TSPAN5: variants seen among roughly 807,000 people sequenced by gnomAD.
TSPAN5 encodes the protein tetraspanin-5.
In TSPAN5, 10 loss-of-function variants were observed where a neutral mutation model predicts 37.1. The ratio of observed to expected loss-of-function variants is 0.27; its 90% CI spans 0.17 to 0.46. The LOEUF is 0.46. TSPAN5 is among the 20% of genes least tolerant of loss of function. The pLI is 1.00. For synonymous variants in TSPAN5, 110 were observed against 118.9 expected, an observed-to-expected ratio of 0.93 and a Z score of 0.48; for missense variants, 195 against 326.6, an observed-to-expected ratio of 0.60 and a Z score of 3.11.
rs529620526 is a variant in TSPAN5, at chr4:98,613,945, A to C, written c.81+44201T>G. The stretch of plus-strand genomic sequence containing the variant: ...CTAAGCACAACCAATTATCACTTCC[A>C]GCCTTTATCTAGCCGGCTAAATGGT... On this transcript the variant is annotated intron_variant, in intron 1 of 7. Coordinates refer to ENST00000305798, the MANE Select transcript of TSPAN5 (RefSeq NM_005723.4). Among the ~76,000 whole-genome samples the C allele has an allele frequency of 2.0e-5, 3 of 152,164 alleles. No individual in the cohort carries two copies. In the East Asian group the frequency reaches 5.8e-4, roughly 29 times the overall value.
At chr4:98,645,698 G>A (rs2110283796) in intron 1 of TSPAN5, among the ~76,000 whole-genome samples, 1 of 152,282 alleles carries the variant, frequency 6.6e-6, no homozygotes, top group South Asian at 2.1e-4. Flanking sequence ...GCTAGTGGAG[G>A]TCAGGAGGAC....
chr4:98,504,771 T>C (rs1324855314), intron 2 of TSPAN5, among the ~76,000 whole-genome samples: 1 of 152,210 alleles, frequency 6.6e-6, no homozygotes, highest in African/African-American at 2.4e-5. Context: ...AGATGAGATG[T>C]GTGTATTCCA....
At chr4:98,598,131 G>C (rs1755791418) in intron 1 of TSPAN5, among the ~76,000 whole-genome samples, 1 of 123,244 alleles carries the variant, frequency 8.1e-6, no homozygotes, top group East Asian at 2.2e-4. Flanking sequence ...GTGGGATATA[G>C]TCTCGTGGTG....
At chr4:98,579,633 G>T (rs185420641) in intron 1 of TSPAN5, among the ~76,000 whole-genome samples, 2 of 152,130 alleles carry the variant, frequency 1.3e-5, no homozygotes, top group African/African-American at 4.8e-5. Context: ...AGAAAATTGC[G>T]TTACAAGAAT....
At chr4:98,502,554 A>G (rs1753377687) in intron 2 of TSPAN5, among the ~76,000 whole-genome samples, 1 of 152,202 alleles carries the variant, frequency 6.6e-6, no homozygotes, top group Non-Finnish European at 1.5e-5. Context: ...GTTCCCAAGT[A>G]CCTGGATGAG....
chr4:98,574,228 A>G (rs1014907457), intron 1 of TSPAN5, among the ~76,000 whole-genome samples: 3 of 152,210 alleles, frequency 2.0e-5, no homozygotes, highest in African/African-American at 7.2e-5. Flanking sequence ...TGCGCACATC[A>G]TATTTCACCT....
intron 1 of TSPAN5, among the ~76,000 whole-genome samples, chr4:98,584,078 A>C (rs901296911): frequency 6.6e-6 from 1 of 152,068 alleles, no homozygotes; most frequent in African/African-American, 2.4e-5. Flanking sequence ...TTTGAGGAAA[A>C]TAAGAGGTGA....
intron 1 of TSPAN5, among the ~76,000 whole-genome samples, chr4:98,539,436 C>T (rs1458928956): frequency 6.6e-6 from 1 of 152,142 alleles, no homozygotes; most frequent in African/African-American, 2.4e-5. Flanking sequence ...CACTCTATTG[C>T]CCTTACTCCC....
At chr4:98,530,213 TGA>T (rs934774073) in intron 1 of TSPAN5, among the ~76,000 whole-genome samples, 2 of 152,096 alleles carry the variant, frequency 1.3e-5, no homozygotes, top group African/African-American at 4.8e-5. Context: ...CCAGAGCAAA[TGA>T]GAGACAGTGA....
intron 1 of TSPAN5, among the ~76,000 whole-genome samples, chr4:98,537,601 C>T (rs1754264832): frequency 6.6e-6 from 1 of 152,202 alleles, no homozygotes; most frequent in African/African-American, 2.4e-5. Flanking sequence ...GTGTAATGAG[C>T]TTAGGTAATT....
chr4:98,622,755 G>A (rs1012327540), intron 1 of TSPAN5, among the ~76,000 whole-genome samples: 1 of 152,162 alleles, frequency 6.6e-6, no homozygotes, highest in South Asian at 2.1e-4. Context: ...TTGAGACTCA[G>A]CAGGTCATGG....
intron 1 of TSPAN5, among the ~76,000 whole-genome samples, chr4:98,509,373 C>T (rs950621311): frequency 3.9e-5 from 6 of 152,148 alleles, no homozygotes; most frequent in Admixed American, 2.6e-4. Context: ...TAAATCCAAA[C>T]GGGACTTGGA....
chr4:98,652,350 C>T (rs1579057408), intron 1 of TSPAN5, among the ~76,000 whole-genome samples: 1 of 152,200 alleles, frequency 6.6e-6, no homozygotes. Context: ...ATGCTGTCTA[C>T]AATACTCCAA....
At chr4:98,652,486 T>G (rs554397976) in intron 1 of TSPAN5, among the ~76,000 whole-genome samples, 1 of 152,334 alleles carries the variant, frequency 6.6e-6, no homozygotes, top group South Asian at 2.1e-4. Context: ...TTTATCACTT[T>G]TCGATTATGA....
intron 1 of TSPAN5, among the ~76,000 whole-genome samples, chr4:98,584,289 G>C (rs910494695): frequency 2.0e-5 from 3 of 152,070 alleles, no homozygotes; most frequent in African/African-American, 7.2e-5. Context: ...GCCATCTTAT[G>C]GGAAAGTTAT....
chr4:98,585,535 C>T (rs1755469118), intron 1 of TSPAN5, among the ~76,000 whole-genome samples: 2 of 152,160 alleles, frequency 1.3e-5, no homozygotes, highest in Non-Finnish European at 2.9e-5. Flanking sequence ...GTCTCAAACT[C>T]CTGACCTCAA....
At chr4:98,573,280 T>A (rs1755166420) in intron 1 of TSPAN5, among the ~76,000 whole-genome samples, 1 of 152,234 alleles carries the variant, frequency 6.6e-6, no homozygotes, top group African/African-American at 2.4e-5. Flanking sequence ...CTCCAAATTT[T>A]ATTTTTCCTC....
Position 98,482,191 on chromosome 4 carries a change from C to T in TSPAN5, c.280-16G>A. 3.1e-6 allele frequency: 5 copies of T among 1,612,342 alleles called. No individual in the cohort carries two copies. Among genetic ancestry groups the T allele is most frequent in the Non-Finnish European group, 4.2e-6 (5 of 1,179,310 alleles). On this transcript the variant is annotated splice_polypyrimidine_tract_variant and intron_variant, in intron 3 of 7. Coordinates refer to ENST00000305798, the MANE Select transcript of TSPAN5 (RefSeq NM_005723.4). ...ACACAGAAAACTAAGATAAAAGACA[C>T]ATACACAGAGAACAGTTATAAGGGC...
chr4:98,627,618 C>T (rs899188243), intron 1 of TSPAN5, among the ~76,000 whole-genome samples: 10 of 152,170 alleles, frequency 6.6e-5, no homozygotes, highest in Non-Finnish European at 1.3e-4. Context: ...TACGGTCATT[C>T]TTCTTTAAGT....
Sources: gnomAD v4.1 joint callset for allele counts (sites outside exome capture counted in the v4.1 genomes callset) on GRCh38, gnomAD v4.1.1 for gene constraint, MANE v1.5 for transcripts, NCBI Gene and HGNC (gene_info 2026-07-23, HGNC 2026-07-21) for gene names.